ADAP1: variants seen among roughly 807,000 people sequenced by gnomAD.
ADAP1 encodes arf-GAP with dual PH domain-containing protein 1.
In ADAP1, 31 loss-of-function variants were observed where a neutral mutation model predicts 54.9. That is an observed-to-expected ratio of 0.56 (90% CI 0.42 to 0.76). The LOEUF is 0.76. Among genes scored for constraint, ADAP1 ranks in the 30% least tolerant of loss-of-function variants. The pLI is 0.00. For missense variants in ADAP1, 535 were observed against 512.4 expected (o/e 1.04, Z -0.42); for synonymous variants, 313 against 202.6 (o/e 1.55, Z -4.63).
intron 4 of ADAP1, among the ~76,000 whole-genome samples, chr7:906,683 GAC>G (rs1845415056): frequency 1.4e-5 from 1 of 69,892 alleles, no homozygotes; most frequent in Admixed American, 1.5e-4. Flanking sequence ...ATGGACAGGG[GAC>G]ACGGGGGACA....
At position 945,373 on chromosome 7, in the gene ADAP1, A is replaced by G. The variant is rs1217621803; in HGVS notation, c.82+9023T>C. On this transcript the variant is annotated intron_variant, in intron 1 of 10. Transcript: ENST00000265846. The surrounding 1 kb of genome is among the most constrained non-coding windows in gnomAD (Gnocchi z 4.2). The stretch of plus-strand genomic sequence containing the variant: ...GGCCCACGCAGGAGAGCCTCTCCCT[A>G]AGCCTGGGCTGCACTCCAGCTGCCC... Among the ~76,000 whole-genome samples, 2 of 152,294 alleles carry G rather than the reference A, an allele frequency of 1.3e-5. No homozygotes were observed. The highest frequency in any genetic ancestry group is 4.8e-5 in the African/African-American group (2 of 41,574).
rs111750888 is a variant in ADAP1 at position 920,461 on chromosome 7, C to T, written c.306-411G>A. On this transcript the variant is annotated intron_variant, in intron 3 of 10. Coordinates refer to ENST00000265846, the MANE Select transcript of ADAP1 (RefSeq NM_006869.4). This position sits in a 1 kb window ranked among gnomAD's most constrained non-coding sequence, Gnocchi z 4.5. Reference sequence around the variant, plus strand: ...CCCGACCCTCCCCACCTCGTTGGACCGGATCTGGGAAGTGGCCGCGGCGCC... The same window carrying T: ...CCCGACCCTCCCCACCTCGTTGGACTGGATCTGGGAAGTGGCCGCGGCGCC... Among the ~76,000 whole-genome samples the T allele has an allele frequency of 0.015, 2,228 of 151,388 alleles. 63 individuals are homozygous for T. The highest frequency in any genetic ancestry group is 0.05 in the African/African-American group (2,060 of 41,156).
chr7:924,171 C>T (rs1199505960), intron 3 of ADAP1, among the ~76,000 whole-genome samples: 2 of 97,806 alleles, frequency 2.0e-5, no homozygotes, highest in African/African-American at 4.3e-5. Context: ...CTGCACCCCC[C>T]GCCCTCCAGG....
chr7:929,910 C>G (rs1031401728), intron 2 of ADAP1, among the ~76,000 whole-genome samples: 1 of 151,738 alleles, frequency 6.6e-6, no homozygotes, highest in East Asian at 1.9e-4. Context: ...CAAGACCAGC[C>G]TGGGCAACAT....
chr7:940,059 G>T (rs1301244727), intron 1 of ADAP1, among the ~76,000 whole-genome samples: 6 of 152,154 alleles, frequency 3.9e-5, no homozygotes, highest in South Asian at 2.1e-4. Flanking sequence ...GAGGTTGTCT[G>T]ATGCAAACCT....
Position 926,596 on chromosome 7 carries a change from T to C in ADAP1, c.262A>G (p.Lys88Glu). The C allele has an allele frequency of 6.5e-7, 1 of 1,544,194 alleles. No individual in the cohort carries two copies. Among genetic ancestry groups the C allele is most frequent in the Non-Finnish European group, 8.7e-7 (1 of 1,145,266 alleles). The part of the protein sequence containing the change: ...NDAARARFES[K>E]VPSFYYRPTP... The stretch of plus-strand genomic sequence containing the variant: ...GGCCGGTAGTAGAAGGAGGGTACTT[T>C]GGACTCAAACCTGGCTCTCGCGGCG... Residue 88 changes from lysine (K) to glutamate (E), a missense_variant, in exon 3 of 11, where the codon AAA (lysine) becomes GAA (glutamate). Coordinates refer to ENST00000265846, the MANE Select transcript of ADAP1 (RefSeq NM_006869.4). This position sits in a 1 kb window ranked among gnomAD's most constrained non-coding sequence, Gnocchi z 4.6.
Position 920,057 on chromosome 7 carries a change from GGA to G in ADAP1, c.306-9_306-8del. On this transcript the variant is annotated splice_region_variant and splice_polypyrimidine_tract_variant and intron_variant, in intron 3 of 10. Transcript: ENST00000265846. The surrounding 1 kb of genome is among the most constrained non-coding windows in gnomAD (Gnocchi z 4.5). Reference sequence around the variant, plus strand: ...CCACTGCTCTCGAAGGAGCCTGTGGGGAGAGGAGAGACTGAGCCACTGGGCCA... The same window carrying G: ...CCACTGCTCTCGAAGGAGCCTGTGGGGAGGAGAGACTGAGCCACTGGGCCA... The G allele has an allele frequency of 6.2e-7, 1 of 1,604,330 alleles. No individual in the cohort carries two copies. Among genetic ancestry groups the G allele is most frequent in the Non-Finnish European group, 8.5e-7 (1 of 1,179,226 alleles).
In ADAP1 at chr7:926,887, C is replaced by A; in HGVS notation, c.214-243G>T. 3 of 1,000,254 alleles carry A rather than the reference C, an allele frequency of 3.0e-6. No homozygotes were observed. The highest frequency in any genetic ancestry group is 4.1e-6 in the Non-Finnish European group (3 of 728,318). 62.0% of individuals were successfully genotyped at this position (1,000,254 alleles called of 1,614,324 possible). On this transcript the variant is annotated intron_variant, in intron 2 of 10. Transcript: ENST00000265846. The surrounding 1 kb of genome is among the most constrained non-coding windows in gnomAD (Gnocchi z 4.6). ...ACGACGGGGTCCCGGCAAAGGGGGCCCAGGGGCCAGGCCCCTTTTGAGGAT... is the reference window on the plus strand; with the variant it reads ...ACGACGGGGTCCCGGCAAAGGGGGCACAGGGGCCAGGCCCCTTTTGAGGAT...
intron 4 of ADAP1, among the ~76,000 whole-genome samples, chr7:906,504 GGAGAAAGGA>G (rs1373111420): frequency 9.3e-4 from 1 of 1,078 alleles, no homozygotes; most frequent in Non-Finnish European, 2.1e-3. Flanking sequence ...AAGGAGAAAG[GGAGAAAGGA>G]GAAAGGAGAA....
Position 904,245 on chromosome 7 carries a change from T to C in ADAP1, c.529A>G (p.Ile177Val), listed in dbSNP as rs138852813. ...DAKEPKAVMKIEHLNATFQPA... is the reference protein window; with the variant it reads ...DAKEPKAVMKVEHLNATFQPA... ...TGGAAGGTGGCGTTCAGGTGCTCGA[T>C]CTTCATCACGGCCTTGGGCTCCTTG... Residue 177 changes from isoleucine (I) to valine (V), a missense_variant, in exon 6 of 11, where the codon ATC (isoleucine) becomes GTC (valine). By Grantham distance (29) the Ile-to-Val change is conservative. Transcript: ENST00000265846. 3 of 1,606,662 alleles carry C rather than the reference T, an allele frequency of 1.9e-6. No individual in the cohort carries two copies. The highest frequency in any genetic ancestry group is 2.7e-5 in the African/African-American group (2 of 74,726).
At chr7:909,024 C>T (rs1375714879) in intron 4 of ADAP1, among the ~76,000 whole-genome samples, 1 of 149,908 alleles carries the variant, frequency 6.7e-6, no homozygotes, top group African/African-American at 2.5e-5. Context: ...AGCAGTGCTC[C>T]GGAAGCGCGC....
intron 3 of ADAP1, among the ~76,000 whole-genome samples, chr7:925,923 C>T (rs929469955): frequency 4.6e-5 from 7 of 152,212 alleles, no homozygotes; most frequent in Admixed American, 2.0e-4. Flanking sequence ...TGGGCCAACA[C>T]GTCTTTCCCC....
rs1846388942 is a variant in ADAP1 at position 926,360 on chromosome 7, G to GCCCAGCGCCCCCCA, written c.305+192_305+193insTGGGGGGCGCTGGG. 6.7e-6 allele frequency among the ~76,000 whole-genome samples: 1 copy of GCCCAGCGCCCCCCA among 150,344 alleles called. No homozygotes were observed. Among genetic ancestry groups the GCCCAGCGCCCCCCA allele is most frequent in the African/African-American group, 2.4e-5 (1 of 40,962 alleles). Reference sequence around the variant, plus strand: ...TCCCAGCCCCACCCCAGCGCCCCCCGCCCCAGAACCAAAGCCCGGTGGTGG... The same window carrying GCCCAGCGCCCCCCA: ...TCCCAGCCCCACCCCAGCGCCCCCCGCCCAGCGCCCCCCACCCCAGAACCAAAGCCCGGTGGTGG... On this transcript the variant is annotated intron_variant, in intron 3 of 10. Coordinates refer to ENST00000265846, the MANE Select transcript of ADAP1 (RefSeq NM_006869.4). This position sits in a 1 kb window ranked among gnomAD's most constrained non-coding sequence, Gnocchi z 4.6.
intron 4 of ADAP1, among the ~76,000 whole-genome samples, chr7:918,495 C>T (rs1379064349): frequency 1.3e-5 from 2 of 152,210 alleles, no homozygotes; most frequent in Admixed American, 6.5e-5. Flanking sequence ...GCCTGAGACA[C>T]GGCTCCCGAC....
intron 4 of ADAP1, among the ~76,000 whole-genome samples, chr7:913,566 T>C (rs1845811600): frequency 6.6e-6 from 1 of 152,154 alleles, no homozygotes; most frequent in Admixed American, 6.5e-5. Context: ...GTGTGTACCT[T>C]GCTCCCCTGT....
chr7:915,689 G>A (rs967865373), intron 4 of ADAP1, among the ~76,000 whole-genome samples: 1 of 150,038 alleles, frequency 6.7e-6, no homozygotes, highest in East Asian at 1.9e-4. Flanking sequence ...CAGTGGGGCA[G>A]GAACAGGATT....
chr7:907,094 G>A (rs1308425544), intron 4 of ADAP1, among the ~76,000 whole-genome samples: 1 of 152,116 alleles, frequency 6.6e-6, no homozygotes, highest in Non-Finnish European at 1.5e-5. Flanking sequence ...TCCAGGTGGT[G>A]CCATCCCCTC....
chr7:898,752 CCA>C lies in ADAP1; in HGVS notation c.*167_*168del. On this transcript the variant is annotated 3_prime_UTR_variant, in exon 11 of 11. Transcript: ENST00000265846. ...GGCCTGGGCTGCCTGCCTTGAGGTT[CCA>C]GAGAAGCATCCTGGAAGCTGAAGCT... The C allele has an allele frequency of 1.2e-6, 1 of 842,022 alleles. No homozygotes were observed. Among genetic ancestry groups the C allele is most frequent in the South Asian group, 1.6e-5 (1 of 61,924 alleles). The allele number at this position is 842,022 out of a possible 1,614,324, so 52.2% of individuals were successfully genotyped here. A position where few individuals can be genotyped will look rare whatever the true frequency, so the allele number is the denominator to read the frequency against.
chr7:898,628 CA>C lies in ADAP1; in HGVS notation c.*292del, dbSNP rs1338998637. The C allele has an allele frequency of 6.1e-6, 3 of 491,776 alleles. No individual in the cohort carries two copies. The highest frequency in any genetic ancestry group is 6.6e-5 in the Admixed American group (2 of 30,342). The allele number at this position is 491,776 out of a possible 1,614,324, so 30.5% of individuals were successfully genotyped here. On this transcript the variant is annotated 3_prime_UTR_variant, in exon 11 of 11. Coordinates refer to ENST00000265846, the MANE Select transcript of ADAP1 (RefSeq NM_006869.4). The stretch of plus-strand genomic sequence containing the variant: ...GGGGGCTGTGTCTGAGCTCGGGAGC[CA>C]GACTGGGCCCTGGAGGAAAGGGGGC...
Sources: allele counts gnomAD v4.1 joint callset (sites outside exome capture counted in the v4.1 genomes callset), GRCh38; gene constraint gnomAD v4.1.1; non-coding constraint Gnocchi (gnomAD v3.1); transcripts MANE v1.5; gene names NCBI Gene and HGNC (gene_info 2026-07-23, HGNC 2026-07-21).